Variants in PRELID2 observed in about 807,000 individuals in gnomAD.
PRELID2 encodes PRELI domain-containing protein 2.
A neutral mutation model predicts 28.4 loss-of-function variants in PRELID2; 25 were observed. The ratio of observed to expected loss-of-function variants is 0.88; its 90% CI spans 0.64 to 1.23. PRELID2 has a LOEUF of 1.23. Ranked by LOEUF, PRELID2 falls within the 50% of genes most tolerant of loss-of-function variation. The pLI is 0.00. For synonymous variants in PRELID2, 76 were observed against 71.6 expected (o/e 1.06, Z -0.31); for missense variants, 201 against 214.4 (o/e 0.94, Z 0.39).
At chr5:145,766,712 A>G (rs1311579552) in intron 5 of PRELID2, among the ~76,000 whole-genome samples, 1 of 152,170 alleles carries the variant, frequency 6.6e-6, no homozygotes, top group Non-Finnish European at 1.5e-5. Context: ...AGGAGACCTG[A>G]GTTCTAGTCA....
chr5:145,717,274 G>A (rs1319418443), intron 1 of PRELID2, among the ~76,000 whole-genome samples: 3 of 152,066 alleles, frequency 2.0e-5, no homozygotes, highest in Non-Finnish European at 4.4e-5. Context: ...AGGGGAAATG[G>A]AGAGTGACTA....
intron 2 of PRELID2, among the ~76,000 whole-genome samples, chr5:145,820,998 G>C (rs928542012): frequency 1.3e-5 from 2 of 151,996 alleles, no homozygotes; most frequent in Admixed American, 1.3e-4. Flanking sequence ...CCCAACTCCT[G>C]AGATCTTATC....
At chr5:145,383,210 A>G in the PRELID2 span, among the ~76,000 whole-genome samples, 1 of 151,768 alleles carries the variant, frequency 6.6e-6, no homozygotes, top group East Asian at 1.9e-4. Context: ...ATGTGTGTAT[A>G]TATATCTTAC....
chr5:145,530,326 A>C (rs929588890), intron 1 of PRELID2, among the ~76,000 whole-genome samples: 1 of 152,138 alleles, frequency 6.6e-6, no homozygotes, highest in Non-Finnish European at 1.5e-5. Context: ...TGATGCTCCC[A>C]GTCACATTGG....
rs1025343499 is a variant in PRELID2 at position 145,649,573 on chromosome 5, G to A, written n.70+115358C>T. Among the ~76,000 whole-genome samples, 15 of 152,212 alleles carry A rather than the reference G, an allele frequency of 9.9e-5. No individual in the cohort carries two copies. The East Asian group carries it at 1.4e-3, about 14-fold the overall frequency. On this transcript the variant is annotated intron_variant and non_coding_transcript_variant, in intron 1 of 2. Coordinates refer to the PRELID2 transcript ENST00000510259. ...CCTCGTCATAAGTCAAGGAGCATCC[G>A]TACTCTCTTCTCTATTTTCCATCCT...
chr5:145,246,436 A>G, the PRELID2 span, among the ~76,000 whole-genome samples: 1 of 152,144 alleles, frequency 6.6e-6, no homozygotes, highest in Non-Finnish European at 1.5e-5. Context: ...GTACAAATAA[A>G]AAAATGTAAA....
rs142729883 is a variant in PRELID2 at position 145,668,976 on chromosome 5, A to T, written n.70+95955T>A. On this transcript the variant is annotated intron_variant and non_coding_transcript_variant, in intron 1 of 2. Coordinates refer to the PRELID2 transcript ENST00000510259. ...TTCACAGGCTGCAGCGGTTTCAGGTATCATATCTAGAGTCACTTCCTGTGG... is the reference window on the plus strand; with the variant it reads ...TTCACAGGCTGCAGCGGTTTCAGGTTTCATATCTAGAGTCACTTCCTGTGG... Among the ~76,000 whole-genome samples, 78 of 152,178 alleles carry T rather than the reference A, an allele frequency of 5.1e-4. No individual in the cohort carries two copies. The East Asian group carries it at 0.013, about 25-fold the overall frequency.
At chr5:145,266,481 A>T in the PRELID2 span, among the ~76,000 whole-genome samples, 2 of 152,134 alleles carry the variant, frequency 1.3e-5, no homozygotes, top group Non-Finnish European at 2.9e-5. Flanking sequence ...AATCAAAACC[A>T]CCATGTGATA....
chr5:145,421,092 C>A, the PRELID2 span, among the ~76,000 whole-genome samples: 2 of 151,430 alleles, frequency 1.3e-5, no homozygotes, highest in African/African-American at 2.5e-5. Context: ...CCCACTTGAT[C>A]ATGGGGGATA....
chr5:145,793,236 T>G (rs900811351), intron 5 of PRELID2, among the ~76,000 whole-genome samples: 19 of 152,186 alleles, frequency 1.2e-4, no homozygotes, highest in Non-Finnish European at 7.4e-5. Context: ...TGACCTCAGC[T>G]TGGGGATCCA....
intron 2 of PRELID2, among the ~76,000 whole-genome samples, chr5:145,820,685 TCTC>T (rs1754721067): frequency 6.6e-6 from 1 of 152,002 alleles, no homozygotes; most frequent in Admixed American, 6.6e-5. Flanking sequence ...TCAATTATGG[TCTC>T]CTCAGAAGAA....
chr5:145,651,193 G>A lies in PRELID2; in HGVS notation n.70+113738C>T, dbSNP rs145947069. 5.5e-4 allele frequency among the ~76,000 whole-genome samples: 83 copies of A among 152,276 alleles called. No individual in the cohort carries two copies. The East Asian group carries it at 0.013, about 24-fold the overall frequency. Reference sequence around the variant, plus strand: ...GCAGTCTGAGATCGAACTGCAAGACGGCAGTGAGGCTAGGGGAGAGGTGCC... The same window carrying A: ...GCAGTCTGAGATCGAACTGCAAGACAGCAGTGAGGCTAGGGGAGAGGTGCC... On this transcript the variant is annotated intron_variant and non_coding_transcript_variant, in intron 1 of 2. Coordinates refer to the PRELID2 transcript ENST00000510259.
chr5:145,740,635 A>C (rs1175572479), intron 1 of PRELID2, among the ~76,000 whole-genome samples: 1 of 112,180 alleles, frequency 8.9e-6, no homozygotes, highest in Non-Finnish European at 1.7e-5. Context: ...TATTATATAT[A>C]TAAATATATA....
chr5:145,693,331 AG>A (rs1755188371), intron 1 of PRELID2, among the ~76,000 whole-genome samples: 1 of 151,958 alleles, frequency 6.6e-6, no homozygotes, highest in South Asian at 2.1e-4. Context: ...TATGCTTGGT[AG>A]AGATGGGGTT....
At chr5:145,713,809 G>A (rs1252950212) in intron 1 of PRELID2, among the ~76,000 whole-genome samples, 1 of 148,092 alleles carries the variant, frequency 6.8e-6, no homozygotes, top group Non-Finnish European at 1.5e-5. Flanking sequence ...ACATTTAAAT[G>A]TAATTCTGGC....
downstream of PRELID2, among the ~76,000 whole-genome samples, chr5:145,753,281 G>A (rs1348552596): frequency 6.6e-6 from 1 of 152,140 alleles, no homozygotes; most frequent in Non-Finnish European, 1.5e-5. Context: ...ACATCTTAAG[G>A]TCCGGCCCTG....
intron 1 of PRELID2, among the ~76,000 whole-genome samples, chr5:145,518,345 G>A (rs1752537089): frequency 6.6e-6 from 1 of 151,856 alleles, no homozygotes; most frequent in Admixed American, 6.6e-5. Context: ...GACTACAGGT[G>A]TGCACCACCA....
chr5:145,828,517 G>C (rs549531439), intron 1 of PRELID2, among the ~76,000 whole-genome samples: 1 of 152,236 alleles, frequency 6.6e-6, no homozygotes, highest in African/African-American at 2.4e-5. Context: ...TGCTTTACCA[G>C]TTCGGAATTT....
Position 145,728,308 on chromosome 5 carries a change from G to A in PRELID2, n.70+36623C>T, listed in dbSNP as rs147514464. On this transcript the variant is annotated intron_variant and non_coding_transcript_variant, in intron 1 of 2. Coordinates refer to the PRELID2 transcript ENST00000510259. The stretch of plus-strand genomic sequence containing the variant: ...TGTTAGTTCCTGTGAGTTCCTGCAA[G>A]TCCCTGTCTATCTATCTCTATTTAT... 2.7e-4 allele frequency: 76 copies of A among 286,230 alleles called. 1 individual carries two copies. Among genetic ancestry groups the A allele is most frequent in the African/African-American group, 1.4e-3 (63 of 45,190 alleles). 17.7% of individuals were successfully genotyped at this position (286,230 alleles called of 1,614,324 possible).
Sources: allele counts gnomAD v4.1 joint callset (sites outside exome capture counted in the v4.1 genomes callset), GRCh38; gene constraint gnomAD v4.1.1; transcripts MANE v1.5; gene names NCBI Gene and HGNC (gene_info 2026-07-23, HGNC 2026-07-21).